ITPRID1: variants seen among roughly 807,000 people sequenced by gnomAD.
ITPRID1 encodes protein ITPRID1.
Under a neutral mutation model 95.4 loss-of-function variants are expected in ITPRID1, and 96 were observed. The ratio of observed to expected loss-of-function variants is 1.01; its 90% CI spans 0.85 to 1.19. The LOEUF (loss-of-function observed/expected upper bound fraction) is 1.19. Ranked by LOEUF, ITPRID1 falls within the 50% of genes most tolerant of loss-of-function variation. The probability of loss-of-function intolerance (pLI) is 0.00; values close to 1 mark genes in which losing one functional copy is unlikely to be tolerated. For missense variants in ITPRID1, 1,339 were observed against 1,252.9 expected, an observed-to-expected ratio of 1.07 and a Z score of -1.04; for synonymous variants, 510 against 453.6, an observed-to-expected ratio of 1.12 and a Z score of -1.58.
chr7:31,579,984 C>T (rs1266371530), intron 9 of ITPRID1, among the ~76,000 whole-genome samples: 1 of 151,982 alleles, frequency 6.6e-6, no homozygotes, highest in African/African-American at 2.4e-5. Flanking sequence ...ATTACCAAGC[C>T]AATAGTTAAA....
At chr7:31,520,291 T>A (rs1411864879) in intron 1 of ITPRID1, among the ~76,000 whole-genome samples, 1 of 152,172 alleles carries the variant, frequency 6.6e-6, no homozygotes, top group African/African-American at 2.4e-5. Flanking sequence ...CCTGAGATAG[T>A]GTTTGTCAGG....
In ITPRID1 at chr7:31,594,168, C is replaced by CAG. The variant is rs1451611370; in HGVS notation, c.1228+10977_1228+10978insAG. On this transcript the variant is annotated intron_variant, in intron 10 of 14. Coordinates refer to ENST00000615280, the MANE Select transcript of ITPRID1 (RefSeq NM_001257967.3). ...CTACAGTATTCAGTACAATAGCATA[C>CAG]TGTACAGGTTTGCAGCCTGGGAGGA... Among the ~76,000 whole-genome samples, 6 of 152,318 alleles carry CAG rather than the reference C, an allele frequency of 3.9e-5. No homozygotes were observed. In the East Asian group the frequency reaches 1.2e-3, roughly 29 times the overall value.
intron 1 of ITPRID1, among the ~76,000 whole-genome samples, chr7:31,522,400 A>G (rs1050281945): frequency 6.6e-6 from 1 of 152,190 alleles, no homozygotes; most frequent in Non-Finnish European, 1.5e-5. Flanking sequence ...ATACTGTGCT[A>G]TACAGCCTTC....
chr7:31,623,367 C>A (rs1483921696), intron 10 of ITPRID1, among the ~76,000 whole-genome samples: 1 of 151,874 alleles, frequency 6.6e-6, no homozygotes, highest in African/African-American at 2.4e-5. Context: ...AAAACACTGG[C>A]AAACCGAATC....
intron 2 of ITPRID1, among the ~76,000 whole-genome samples, chr7:31,549,753 T>C (rs959776083): frequency 2.6e-5 from 4 of 152,106 alleles, no homozygotes; most frequent in Non-Finnish European, 5.9e-5. Context: ...AACCAAGCAA[T>C]TACTAATAAA....
At chr7:31,656,969 T>C (rs1425718512), downstream of ITPRID1, among the ~76,000 whole-genome samples, 1 of 149,090 alleles carries the variant, frequency 6.7e-6, no homozygotes, top group African/African-American at 2.5e-5. Context: ...CCACCCCCGA[T>C]TCTCAGGCCT....
At chr7:31,544,957 T>G (rs1195368979) in intron 1 of ITPRID1, among the ~76,000 whole-genome samples, 1 of 152,140 alleles carries the variant, frequency 6.6e-6, no homozygotes, top group African/African-American at 2.4e-5. Context: ...TATCTTGAAC[T>G]AAGTACCACA....
Position 31,651,189 on chromosome 7 carries a change from C to A in ITPRID1, c.2631C>A (p.Phe877Leu), listed in dbSNP as rs1790913995. ...MEAMKTICQS[F>L]REYLEEIEQH... Reference sequence around the variant, plus strand: ...CCATGAAGACGATATGCCAAAGTTTCCGGGAGTATTTAGAAGAAATTGAAC... The same window carrying A: ...CCATGAAGACGATATGCCAAAGTTTACGGGAGTATTTAGAAGAAATTGAAC... Residue 877 changes from phenylalanine to leucine, a missense_variant, in exon 13 of 15, where the codon TTC becomes TTA. By Grantham distance (22) the Phe-to-Leu change is conservative. Coordinates refer to ENST00000615280, the MANE Select transcript of ITPRID1 (RefSeq NM_001257967.3). The A allele has an allele frequency of 6.2e-7, 1 of 1,613,408 alleles. No homozygotes were observed.
rs1479191612 is a variant in ITPRID1 at position 31,652,920 on chromosome 7, C to T, written c.*91C>T. 7.8e-6 allele frequency: 12 copies of T among 1,533,344 alleles called. No homozygotes were observed. In the East Asian group the frequency reaches 2.3e-4, roughly 29 times the overall value. 95.0% of individuals were successfully genotyped at this position (1,533,344 alleles called of 1,614,324 possible). A position where few individuals can be genotyped will look rare whatever the true frequency, so the allele number is the denominator to read the frequency against. On this transcript the variant is annotated 3_prime_UTR_variant, in exon 15 of 15. Transcript: ENST00000615280. ...TTCAATTTTCCCCAAGGAGAAGGGT[C>T]TGCCAACCCATTGTCAGCTATATCT...
At chr7:31,622,559 C>T (rs38352) in intron 10 of ITPRID1, among the ~76,000 whole-genome samples, 40,082 of 151,084 alleles carry the variant, frequency 0.27, 5,902 homozygotes, top group Non-Finnish European at 0.33. Flanking sequence ...TTGAAACCAA[C>T]GAGAATAAAG....
chr7:31,576,737 C>T (rs1180438758), intron 8 of ITPRID1, among the ~76,000 whole-genome samples: 2 of 152,154 alleles, frequency 1.3e-5, no homozygotes, highest in Non-Finnish European at 2.9e-5. Flanking sequence ...AGGGACGTTG[C>T]TGTGATGATG....
At chr7:31,516,292 G>T (rs549368206) in intron 1 of ITPRID1, among the ~76,000 whole-genome samples, 1 of 152,166 alleles carries the variant, frequency 6.6e-6, no homozygotes, top group East Asian at 1.9e-4. Context: ...ATGTATGTAT[G>T]TGTGTACTAT....
At chr7:31,568,122 G>GA (rs35092042) in intron 5 of ITPRID1, among the ~76,000 whole-genome samples, 75,147 of 143,904 alleles carry the variant, frequency 0.52, 19,462 homozygotes, top group African/African-American at 0.61. Context: ...CGAACTGTCT[G>GA]AAAAAAAAAA....
intron 2 of ITPRID1, 113 bp from the exon 3 acceptor site, chr7:31,552,889 G>T (rs1583488870): frequency 9.2e-7 from 1 of 1,089,398 alleles, no homozygotes; most frequent in Non-Finnish European, 1.3e-6. Context: ...TGACTGTGAA[G>T]CTGGATCATT....
intron 5 of ITPRID1, among the ~76,000 whole-genome samples, chr7:31,561,365 C>T (rs1784617806): frequency 6.6e-6 from 1 of 152,098 alleles, no homozygotes; most frequent in Non-Finnish European, 1.5e-5. Flanking sequence ...TGGTGCCTTC[C>T]CCCAGCCTTC....
At chr7:31,525,657 T>G (rs758622869) in intron 1 of ITPRID1, among the ~76,000 whole-genome samples, 1 of 152,098 alleles carries the variant, frequency 6.6e-6, no homozygotes, top group Admixed American at 6.6e-5. Context: ...TACCAAATAT[T>G]TGGGGAGCAT....
At chr7:31,632,184 C>T (rs1255420736) in intron 10 of ITPRID1, among the ~76,000 whole-genome samples, 1 of 152,174 alleles carries the variant, frequency 6.6e-6, no homozygotes, top group Non-Finnish European at 1.5e-5. Flanking sequence ...CGTGGTGGCT[C>T]ACACCTGTAA....
chr7:31,594,782 G>A (rs1786009830), intron 10 of ITPRID1, among the ~76,000 whole-genome samples: 1 of 151,962 alleles, frequency 6.6e-6, no homozygotes, highest in African/African-American at 2.4e-5. Flanking sequence ...GCTCGAACTT[G>A]GGAGGCAGAG....
chr7:31,574,325 T>C (rs1212179212), intron 7 of ITPRID1, among the ~76,000 whole-genome samples: 2 of 152,118 alleles, frequency 1.3e-5, no homozygotes, highest in African/African-American at 2.4e-5. Flanking sequence ...AGTAAACTCA[T>C]AGTTTTGGAT....
Sources: allele counts gnomAD v4.1 joint callset (sites outside exome capture counted in the v4.1 genomes callset), GRCh38; gene constraint gnomAD v4.1.1; transcripts MANE v1.5; gene names NCBI Gene and HGNC (gene_info 2026-07-23, HGNC 2026-07-21).